Variants in SDK1 observed in about 807,000 individuals in gnomAD.
SDK1 encodes sidekick cell adhesion molecule 1.
SDK1 carries 157 observed loss-of-function variants against 245.5 expected under a neutral mutation model. The ratio of observed to expected loss-of-function variants is 0.64; its 90% CI spans 0.56 to 0.73. The LOEUF (loss-of-function observed/expected upper bound fraction) is 0.73. Ranked by LOEUF, SDK1 falls within the 30% of genes least tolerant of loss-of-function variation. The probability of loss-of-function intolerance (pLI) is 0.00; values close to 1 mark genes in which losing one functional copy is unlikely to be tolerated. For missense variants in SDK1, 3,583 were observed against 3,002.3 expected (o/e 1.19, Z -4.52); for synonymous variants, 1,647 against 1,278.5 (o/e 1.29, Z -6.15).
intron 5 of SDK1, among the ~76,000 whole-genome samples, chr7:3,892,118 T>G (rs1475197705): frequency 6.6e-6 from 1 of 152,194 alleles, no homozygotes; most frequent in Non-Finnish European, 1.5e-5. Flanking sequence ...TTAACAACTT[T>G]CCAGCTTGCC....
chr7:4,024,995 A>C (rs892529532), intron 17 of SDK1, among the ~76,000 whole-genome samples: 2 of 147,360 alleles, frequency 1.4e-5, no homozygotes, highest in African/African-American at 2.6e-5. Flanking sequence ...TGCGGTGCAC[A>C]ATGAGAACTC....
Position 3,939,386 on chromosome 7 carries a change from G to A in SDK1, c.848-11537G>A, listed in dbSNP as rs916121894. On this transcript the variant is annotated intron_variant, in intron 5 of 44. Transcript: ENST00000404826. ...AGAAATGTATAAACCAGCTTCCCAC[G>A]TCCAGGGGCTGGGCCAGTACAGATT... is the stretch of plus-strand genomic sequence containing the variant. Among the ~76,000 whole-genome samples, 10 of 152,344 alleles carry A rather than the reference G, an allele frequency of 6.6e-5. No individual in the cohort carries two copies. In the South Asian group the frequency reaches 1.7e-3, roughly 25 times the overall value.
At chr7:3,622,356 C>T (rs1781968009) in intron 2 of SDK1, among the ~76,000 whole-genome samples, 1 of 152,226 alleles carries the variant, frequency 6.6e-6, no homozygotes, top group African/African-American at 2.4e-5. Flanking sequence ...TGGCGCATGC[C>T]TGTAATCCCA....
chr7:3,400,701 G>A (rs1778865694), intron 1 of SDK1, among the ~76,000 whole-genome samples: 1 of 152,264 alleles, frequency 6.6e-6, no homozygotes, highest in East Asian at 1.9e-4. Context: ...TTAAGGTCCA[G>A]TTTTATTTTG....
In SDK1 at chr7:4,049,366, A is replaced by C. The variant is rs1789268588; in HGVS notation, c.2621A>C (p.Gln874Pro). The change falls in exon 18 of 45, where the codon CAG becomes CCG. Residue 874 changes from glutamine (Q) to proline (P), a missense_variant. Physicochemically the swap from Gln to Pro is moderately conservative, Grantham distance 76. Coordinates refer to ENST00000404826, the MANE Select transcript of SDK1 (RefSeq NM_152744.4). ...GCCACAGTGCCCACCGCGCCCCCGCAGAACGTGCAGACGGAAGCCGTGAAC... is the reference window on the plus strand; with the variant it reads ...GCCACAGTGCCCACCGCGCCCCCGCCGAACGTGCAGACGGAAGCCGTGAAC... ...TLQGVPTAPP[Q>P]NVQTEAVNST... The C allele has an allele frequency of 2.5e-6, 4 of 1,614,120 alleles. No homozygotes were observed. Among genetic ancestry groups the C allele is most frequent in the Non-Finnish European group, 3.4e-6 (4 of 1,180,008 alleles).
At chr7:3,795,572 T>G (rs772030066) in intron 4 of SDK1, among the ~76,000 whole-genome samples, 1 of 152,188 alleles carries the variant, frequency 6.6e-6, no homozygotes, top group South Asian at 2.1e-4. Context: ...TCACTGTATC[T>G]GGCTGTTAAA....
chr7:3,421,690 T>C (rs965625342), intron 1 of SDK1, among the ~76,000 whole-genome samples: 4 of 152,174 alleles, frequency 2.6e-5, no homozygotes, highest in Admixed American at 6.5e-5. Flanking sequence ...TAGCTTTCTG[T>C]TGGCTCTTAG....
intron 5 of SDK1, among the ~76,000 whole-genome samples, chr7:3,836,504 C>T (rs1780031656): frequency 6.6e-6 from 1 of 152,162 alleles, no homozygotes; most frequent in Non-Finnish European, 1.5e-5. Flanking sequence ...AGACTGGTTT[C>T]TACTATCAGA....
chr7:3,675,150 C>T (rs918043953), intron 4 of SDK1, among the ~76,000 whole-genome samples: 1 of 152,204 alleles, frequency 6.6e-6, no homozygotes, highest in Non-Finnish European at 1.5e-5. Context: ...ACCTGCTCCA[C>T]CCATAGTCTA....
chr7:4,003,315 AGAGCAGTTTG>A (rs1462502660), intron 14 of SDK1, among the ~76,000 whole-genome samples: 1 of 152,216 alleles, frequency 6.6e-6, no homozygotes. Context: ...TTGGTGTTTT[AGAGCAGTTTG>A]GAGCTTACAG....
At chr7:4,016,252 A>G (rs1786393446) in intron 16 of SDK1, among the ~76,000 whole-genome samples, 1 of 152,236 alleles carries the variant, frequency 6.6e-6, no homozygotes, top group African/African-American at 2.4e-5. Context: ...CTGCCACTCA[A>G]GTGTGGGACT....
chr7:3,815,020 C>T (rs1303504098), intron 4 of SDK1, among the ~76,000 whole-genome samples: 4 of 145,350 alleles, frequency 2.8e-5, no homozygotes, highest in Admixed American at 6.9e-5. Flanking sequence ...TGGGCTGAGA[C>T]AATGGGGTTT....
intron 5 of SDK1, among the ~76,000 whole-genome samples, chr7:3,836,700 A>C (rs1780035813): frequency 6.6e-6 from 1 of 152,234 alleles, no homozygotes; most frequent in Non-Finnish European, 1.5e-5. Flanking sequence ...TCTGCCCCTC[A>C]CATTGCTTTC....
intron 1 of SDK1, among the ~76,000 whole-genome samples, chr7:3,548,835 T>G (rs747058000): frequency 6.6e-6 from 1 of 152,244 alleles, no homozygotes; most frequent in Non-Finnish European, 1.5e-5. Context: ...GCTGATATTT[T>G]GTATCCTTTT....
At chr7:3,465,279 G>C (rs17133377) in intron 1 of SDK1, among the ~76,000 whole-genome samples, 68 of 152,016 alleles carry the variant, frequency 4.5e-4, no homozygotes, top group Non-Finnish European at 7.4e-4. Context: ...GAATGGTATC[G>C]TCTAGAGGTC....
chr7:3,866,427 G>C (rs1033268172), intron 5 of SDK1, among the ~76,000 whole-genome samples: 1 of 152,186 alleles, frequency 6.6e-6, no homozygotes, highest in African/African-American at 2.4e-5. Context: ...ACGATGAAAG[G>C]GGGCCAAGTG....
chr7:4,044,456 AT>A (rs60227250), intron 17 of SDK1, among the ~76,000 whole-genome samples: 48,456 of 151,358 alleles, frequency 0.32, 11,846 homozygotes, highest in African/African-American at 0.69. Context: ...GCTTTGCTTT[AT>A]TTTTTTTTAG....
chr7:4,193,721 G>A (rs192902821), intron 35 of SDK1, among the ~76,000 whole-genome samples: 279 of 152,218 alleles, frequency 1.8e-3, no homozygotes, highest in African/African-American at 6.4e-3. Flanking sequence ...TTCCTCTACA[G>A]GAGTGAAGAC....
chr7:3,632,160 C>G (rs189942765), intron 2 of SDK1, among the ~76,000 whole-genome samples: 5 of 152,160 alleles, frequency 3.3e-5, no homozygotes, highest in African/African-American at 9.6e-5. Context: ...CCTTTTTTAC[C>G]GACTTGAGAG....
Sources: gnomAD v4.1 joint callset for allele counts (sites outside exome capture counted in the v4.1 genomes callset) on GRCh38, gnomAD v4.1.1 for gene constraint, MANE v1.5 for transcripts, NCBI Gene and HGNC (gene_info 2026-07-23, HGNC 2026-07-21) for gene names.